SYNPR: variants seen among roughly 807,000 people sequenced by gnomAD.
SYNPR encodes the protein synaptoporin.
Under a neutral mutation model 32.9 loss-of-function variants are expected in SYNPR, and 23 were observed. That is an observed-to-expected ratio of 0.70 (90% confidence interval 0.50 to 0.99). SYNPR has a LOEUF of 0.99. Among genes scored for constraint, SYNPR ranks in the 50% least tolerant of loss-of-function variants. The pLI is 0.00. For synonymous variants in SYNPR, 146 were observed against 135.9 expected, an observed-to-expected ratio of 1.07 and a Z score of -0.52; for missense variants, 318 against 349.3, an observed-to-expected ratio of 0.91 and a Z score of 0.71.
At chr3:63,262,514 C>T (rs143070189) in intron 2 of SYNPR, among the ~76,000 whole-genome samples, 1 of 151,962 alleles carries the variant, frequency 6.6e-6, no homozygotes, top group African/African-American at 2.4e-5. Context: ...ATACTGTATC[C>T]TTCCAGGACA....
intron 1 of SYNPR, among the ~76,000 whole-genome samples, chr3:63,249,711 A>C (rs1171057428): frequency 6.6e-6 from 1 of 152,156 alleles, no homozygotes; most frequent in Non-Finnish European, 1.5e-5. Context: ...TAATTACAAC[A>C]AAAATGGAAA....
intron 3 of SYNPR, among the ~76,000 whole-genome samples, chr3:63,547,430 T>C (rs1702427289): frequency 6.6e-6 from 1 of 152,124 alleles, no homozygotes; most frequent in South Asian, 2.1e-4. Flanking sequence ...AACCTGAGAC[T>C]CTGGGAAGGC....
intron 1 of SYNPR, among the ~76,000 whole-genome samples, chr3:63,231,973 G>A (rs981463976): frequency 6.6e-6 from 1 of 152,172 alleles, no homozygotes; most frequent in African/African-American, 2.4e-5. Flanking sequence ...CCTTACTTGA[G>A]AAGCTATATT....
chr3:63,288,353 T>C (rs1006507635), intron 2 of SYNPR, among the ~76,000 whole-genome samples: 3 of 152,230 alleles, frequency 2.0e-5, no homozygotes, highest in African/African-American at 7.2e-5. Context: ...ACATGTCTGG[T>C]TTAAAAGTAA....
intron 4 of SYNPR, among the ~76,000 whole-genome samples, chr3:63,571,020 A>G (rs1702876376): frequency 6.6e-6 from 1 of 152,188 alleles, no homozygotes; most frequent in Non-Finnish European, 1.5e-5. Flanking sequence ...TGGGTCTATA[A>G]TATTGGAGGT....
chr3:63,228,789 C>T (rs920377293), intron 1 of SYNPR, among the ~76,000 whole-genome samples: 1 of 151,836 alleles, frequency 6.6e-6, no homozygotes, highest in African/African-American at 2.4e-5. Flanking sequence ...CATCTGGCAC[C>T]ACCAAGAGGC....
At chr3:63,546,286 C>A (rs1423498730) in intron 3 of SYNPR, among the ~76,000 whole-genome samples, 1 of 152,132 alleles carries the variant, frequency 6.6e-6, no homozygotes, top group Non-Finnish European at 1.5e-5. Context: ...TACTCCAGAT[C>A]ATACCTTGGC....
intron 3 of SYNPR, among the ~76,000 whole-genome samples, chr3:63,553,302 G>A (rs537772034): frequency 2.6e-5 from 4 of 152,256 alleles, no homozygotes; most frequent in African/African-American, 9.6e-5. Flanking sequence ...AGTATTCCGT[G>A]GGGTATATGT....
At chr3:63,333,892 A>C (rs1435276537) in intron 2 of SYNPR, among the ~76,000 whole-genome samples, 1 of 152,234 alleles carries the variant, frequency 6.6e-6, no homozygotes, top group Admixed American at 6.5e-5. Flanking sequence ...ATGCAAAGGA[A>C]AATATATTAA....
At chr3:63,331,690 A>G (rs1253839961) in intron 2 of SYNPR, among the ~76,000 whole-genome samples, 2 of 152,158 alleles carry the variant, frequency 1.3e-5, no homozygotes, top group Admixed American at 1.3e-4. Context: ...TGAACCTGCT[A>G]TTAGCAGCCC....
At chr3:63,357,929 T>C (rs1434837444) in intron 2 of SYNPR, among the ~76,000 whole-genome samples, 1 of 152,200 alleles carries the variant, frequency 6.6e-6, no homozygotes, top group Non-Finnish European at 1.5e-5. Flanking sequence ...CATTTAATTG[T>C]CATCTTATAG....
intron 3 of SYNPR, among the ~76,000 whole-genome samples, chr3:63,486,099 G>A (rs1453364264): frequency 6.6e-6 from 1 of 152,122 alleles, no homozygotes; most frequent in Non-Finnish European, 1.5e-5. Flanking sequence ...AGTAGAGACA[G>A]GGTTTCACCA....
chr3:63,523,346 G>A (rs1397615056), intron 3 of SYNPR, among the ~76,000 whole-genome samples: 3 of 152,112 alleles, frequency 2.0e-5, no homozygotes, highest in Admixed American at 1.3e-4. Flanking sequence ...CTAAAGGGTA[G>A]CACTGGCAGT....
intron 1 of SYNPR, among the ~76,000 whole-genome samples, chr3:63,246,409 G>C (rs1411452276): frequency 6.6e-6 from 1 of 152,068 alleles, no homozygotes; most frequent in Non-Finnish European, 1.5e-5. Flanking sequence ...AGCACCTACT[G>C]TGTAGCAGGC....
At chr3:63,586,100 A>G (rs1703179231) in intron 4 of SYNPR, among the ~76,000 whole-genome samples, 1 of 152,106 alleles carries the variant, frequency 6.6e-6, no homozygotes, top group Non-Finnish European at 1.5e-5. Context: ...AAAGCACAGG[A>G]TAATTTCCTC....
At chr3:63,391,815 C>T (rs72883732) in intron 2 of SYNPR, among the ~76,000 whole-genome samples, 2,512 of 152,300 alleles carry the variant, frequency 0.016, 83 homozygotes, top group African/African-American at 0.056. Flanking sequence ...AACTCCTGTG[C>T]TAACCCCATT....
chr3:63,464,538 C>A (rs1422386092), intron 2 of SYNPR, among the ~76,000 whole-genome samples: 2 of 151,840 alleles, frequency 1.3e-5, no homozygotes, highest in Non-Finnish European at 2.9e-5. Flanking sequence ...TGCATAAGAC[C>A]CTCAATTTCC....
At chr3:63,233,062 G>T (rs1307775030) in intron 1 of SYNPR, among the ~76,000 whole-genome samples, 1 of 152,080 alleles carries the variant, frequency 6.6e-6, no homozygotes, top group African/African-American at 2.4e-5. Context: ...AGTAAGGAGA[G>T]TTCTGTTTAA....
At chr3:63,559,268 G>T (rs73118749) in intron 4 of SYNPR, among the ~76,000 whole-genome samples, 23,023 of 151,754 alleles carry the variant, frequency 0.15, 2,235 homozygotes, top group South Asian at 0.34. Flanking sequence ...GGTACAGACA[G>T]GATTTTACCA....
Sources: allele counts gnomAD v4.1 joint callset (sites outside exome capture counted in the v4.1 genomes callset), GRCh38; gene constraint gnomAD v4.1.1; transcripts MANE v1.5; gene names NCBI Gene and HGNC (gene_info 2026-07-23, HGNC 2026-07-21).